DCC: variants seen among roughly 807,000 people sequenced by gnomAD.
DCC encodes the protein DCC netrin 1 receptor, also known as netrin receptor DCC.
In DCC, 58 loss-of-function variants were observed where a neutral mutation model predicts 172.5. The ratio of observed to expected loss-of-function variants is 0.34; its 90% CI spans 0.27 to 0.42. DCC has a LOEUF of 0.42. Among genes scored for constraint, DCC ranks in the 10% least tolerant of loss-of-function variants. The pLI is 1.00. For synonymous variants in DCC, 709 were observed against 644.5 expected, an observed-to-expected ratio of 1.10 and a Z score of -1.52; for missense variants, 1,740 against 1,791.0, an observed-to-expected ratio of 0.97 and a Z score of 0.51.
intron 2 of DCC, among the ~76,000 whole-genome samples, chr18:52,835,667 G>T (rs2038691612): frequency 6.6e-6 from 1 of 152,118 alleles, no homozygotes; most frequent in Admixed American, 6.6e-5. Context: ...CTCTCAGTTT[G>T]TATAGAGATA....
intron 1 of DCC, among the ~76,000 whole-genome samples, chr18:52,461,483 G>A (rs190107550): frequency 9.2e-5 from 14 of 151,714 alleles, no homozygotes; most frequent in East Asian, 5.9e-4. Context: ...TCATTATCAC[G>A]TATTATATAC....
intron 7 of DCC, among the ~76,000 whole-genome samples, chr18:53,145,625 G>A (rs188233075): frequency 2.4e-4 from 37 of 152,264 alleles, no homozygotes; most frequent in Admixed American, 8.5e-4. Context: ...ACCCAGTCAA[G>A]GATATTATTA....
chr18:53,332,418 T>C (rs932494541), intron 14 of DCC, among the ~76,000 whole-genome samples: 4 of 151,976 alleles, frequency 2.6e-5, no homozygotes, highest in African/African-American at 7.3e-5. Context: ...AAACTTGTGG[T>C]AGTAACAAAA....
intron 1 of DCC, among the ~76,000 whole-genome samples, chr18:52,453,965 G>A (rs1483412810): frequency 1.3e-5 from 2 of 152,158 alleles, no homozygotes; most frequent in Non-Finnish European, 2.9e-5. Flanking sequence ...TTATTCAGTT[G>A]TCACTGAATC....
chr18:53,095,436 C>T (rs184516157), intron 7 of DCC, among the ~76,000 whole-genome samples: 326 of 152,310 alleles, frequency 2.1e-3, no homozygotes, highest in Non-Finnish European at 3.6e-3. Flanking sequence ...ACTATATTAG[C>T]ATCCAATTGC....
At chr18:52,669,647 G>A (rs937047894) in intron 1 of DCC, among the ~76,000 whole-genome samples, 1 of 152,044 alleles carries the variant, frequency 6.6e-6, no homozygotes, top group Non-Finnish European at 1.5e-5. Context: ...TGCATATATT[G>A]GTTTGTTTAT....
At chr18:53,348,865 A>T (rs963620034) in intron 15 of DCC, among the ~76,000 whole-genome samples, 15 of 152,030 alleles carry the variant, frequency 9.9e-5, no homozygotes, top group Non-Finnish European at 1.6e-4. Flanking sequence ...AGCCCACAGA[A>T]CCACTTTTTC....
intron 1 of DCC, among the ~76,000 whole-genome samples, chr18:52,723,866 G>T (rs2036511160): frequency 6.6e-6 from 1 of 152,162 alleles, no homozygotes; most frequent in Non-Finnish European, 1.5e-5. Context: ...TGACCCTCAG[G>T]CATCCTAAGT....
At chr18:52,525,993 T>C (rs1408013071) in intron 1 of DCC, among the ~76,000 whole-genome samples, 1 of 152,242 alleles carries the variant, frequency 6.6e-6, no homozygotes, top group African/African-American at 2.4e-5. Flanking sequence ...TATTCTTACA[T>C]TATGTAACCT....
chr18:52,542,883 A>C (rs2144706900), intron 1 of DCC, among the ~76,000 whole-genome samples: 1 of 152,332 alleles, frequency 6.6e-6, no homozygotes, highest in South Asian at 2.1e-4. Flanking sequence ...TTATCATAGA[A>C]GGATGAGTTG....
At chr18:52,879,857 A>G (rs779610016) in intron 2 of DCC, among the ~76,000 whole-genome samples, 19 of 152,162 alleles carry the variant, frequency 1.2e-4, no homozygotes, top group Non-Finnish European at 4.4e-5. Flanking sequence ...AATTTCATAT[A>G]TGCTTCACAT....
intron 12 of DCC, among the ~76,000 whole-genome samples, chr18:53,289,920 A>C (rs2056981828): frequency 6.6e-6 from 1 of 152,148 alleles, no homozygotes; most frequent in African/African-American, 2.4e-5. Context: ...AGAAAATGGG[A>C]ATGGATTTTA....
Position 53,126,212 on chromosome 18 carries a change from CA to C in DCC, c.1262-31143del, listed in dbSNP as rs374556038. Among the ~76,000 whole-genome samples the C allele has an allele frequency of 1.8e-3, 269 of 152,186 alleles. 1 individual carries two copies. The highest frequency in any genetic ancestry group is 5.9e-3 in the African/African-American group (247 of 41,552). ...GGAGATTTTAAATTCACAATTTTTG[CA>C]TGTATTTTGCATAGTAACATAAGAC... On this transcript the variant is annotated intron_variant, in intron 7 of 28. Coordinates refer to ENST00000442544, the MANE Select transcript of DCC (RefSeq NM_005215.4).
intron 3 of DCC, among the ~76,000 whole-genome samples, chr18:52,918,817 AAATC>A (rs1177063678): frequency 1.3e-5 from 2 of 152,188 alleles, no homozygotes; most frequent in African/African-American, 4.8e-5. Flanking sequence ...AACAAACTAA[AAATC>A]AAACTGAAAT....
intron 8 of DCC, among the ~76,000 whole-genome samples, chr18:53,160,363 T>C (rs1162781312): frequency 1.3e-5 from 2 of 152,192 alleles, no homozygotes; most frequent in Non-Finnish European, 2.9e-5. Flanking sequence ...CATAGAGATC[T>C]GCAATCTGTT....
At chr18:53,492,094 G>T (rs192909591) in intron 26 of DCC, among the ~76,000 whole-genome samples, 30 of 152,180 alleles carry the variant, frequency 2.0e-4, no homozygotes, top group African/African-American at 7.2e-4. Flanking sequence ...ATGTTTGTTG[G>T]CTGCATAAAT....
intron 1 of DCC, among the ~76,000 whole-genome samples, chr18:52,439,199 T>TGC (rs1598819367): frequency 6.6e-6 from 1 of 151,744 alleles, no homozygotes; most frequent in South Asian, 2.1e-4. Context: ...TGTGTGTGTG[T>TGC]GTGTGTGTGT....
chr18:52,441,021 A>G (rs949056032), intron 1 of DCC, among the ~76,000 whole-genome samples: 1 of 152,246 alleles, frequency 6.6e-6, no homozygotes, highest in Admixed American at 6.5e-5. Flanking sequence ...TAGGGACTTA[A>G]TGGCAAATCT....
At chr18:52,679,727 A>G (rs77817756) in intron 1 of DCC, among the ~76,000 whole-genome samples, 1,931 of 152,220 alleles carry the variant, frequency 0.013, 41 homozygotes, top group African/African-American at 0.044. Flanking sequence ...TAAAGAATCT[A>G]TAAGTCTTTC....
Sources: allele counts gnomAD v4.1 joint callset (sites outside exome capture counted in the v4.1 genomes callset), GRCh38; gene constraint gnomAD v4.1.1; transcripts MANE v1.5; gene names NCBI Gene and HGNC (gene_info 2026-07-23, HGNC 2026-07-21).